The following IQSEC1 variants were observed in gnomAD, a reference collection of about 807,000 sequenced individuals.
IQSEC1 encodes the protein IQ motif and Sec7 domain ArfGEF 1, also known as IQ motif and SEC7 domain-containing protein 1.
IQSEC1 carries 31 observed loss-of-function variants against 91.0 expected under a neutral mutation model. The observed-to-expected ratio is 0.34, with a 90% CI of 0.26 to 0.46. The LOEUF (loss-of-function observed/expected upper bound fraction) is 0.46. Ranked by LOEUF, IQSEC1 falls within the 20% of genes least tolerant of loss-of-function variation. The probability of loss-of-function intolerance (pLI) is 1.00; values close to 1 mark genes in which losing one functional copy is unlikely to be tolerated. For synonymous variants in IQSEC1, 699 were observed against 662.6 expected, an observed-to-expected ratio of 1.05 and a Z score of -0.84; for missense variants, 1,388 against 1,575.6, an observed-to-expected ratio of 0.88 and a Z score of 2.02.
chr3:13,040,791 C>T (rs1357898754), intron 1 of IQSEC1, among the ~76,000 whole-genome samples: 1 of 152,210 alleles, frequency 6.6e-6, no homozygotes, highest in South Asian at 2.1e-4. Context: ...CCAGCAAACT[C>T]CTCCAGACAC....
intron 1 of IQSEC1, among the ~76,000 whole-genome samples, chr3:13,194,651 G>A (rs1694095272): frequency 6.6e-6 from 1 of 152,108 alleles, no homozygotes; most frequent in Admixed American, 6.6e-5. Context: ...AGAAACCCCA[G>A]AGGAGACCCC....
intron 1 of IQSEC1, among the ~76,000 whole-genome samples, chr3:12,953,835 T>C (rs1335709700): frequency 1.3e-5 from 2 of 152,232 alleles, no homozygotes; most frequent in African/African-American, 4.8e-5. Context: ...CCCCAACTTC[T>C]CTGAGCCTTG....
At chr3:13,222,372 C>G (rs1248289908) in intron 1 of IQSEC1, among the ~76,000 whole-genome samples, 1 of 152,184 alleles carries the variant, frequency 6.6e-6, no homozygotes, top group African/African-American at 2.4e-5. Flanking sequence ...TCATCTGTCA[C>G]GGACACTTTC....
Position 12,900,869 on chromosome 3 carries a change from G to A in IQSEC1, c.*114C>T, listed in dbSNP as rs1038453141. ...CTCCGGTTGGGCCGTGAGGGGCAGA[G>A]GGGAGAGATGGCAACAGAAGTGCCC... On this transcript the variant is annotated 3_prime_UTR_variant, in exon 14 of 14. Coordinates refer to ENST00000613206, the MANE Select transcript of IQSEC1 (RefSeq NM_001134382.3). 1.3e-6 allele frequency: 2 copies of A among 1,533,488 alleles called. No homozygotes were observed. Among genetic ancestry groups the A allele is most frequent in the Non-Finnish European group, 1.7e-6 (2 of 1,145,570 alleles). The allele number at this position is 1,533,488 out of a possible 1,614,324, so 95.0% of individuals were successfully genotyped here.
rs1276032848 is a variant in IQSEC1 at position 13,073,342 on chromosome 3, T to C, written c.-328A>G. 6.6e-6 allele frequency among the ~76,000 whole-genome samples: 1 copy of C among 152,156 alleles called. No homozygotes were observed. Among genetic ancestry groups the C allele is most frequent in the Non-Finnish European group, 1.5e-5 (1 of 68,026 alleles). ...CTACCTGGGCCCACCTTGGGGTTTT[T>C]CCCTCCCGTCCATCCGGGGTGCGGG... On this transcript the variant is annotated 5_prime_UTR_variant, in exon 1 of 14. Transcript: ENST00000613206.
chr3:13,252,677 A>G (rs1695214676), intron 1 of IQSEC1, among the ~76,000 whole-genome samples: 1 of 152,034 alleles, frequency 6.6e-6, no homozygotes, highest in South Asian at 2.1e-4. Context: ...CAAGGGTTCC[A>G]ATTTCTCCAC....
chr3:12,921,225 G>C (rs974749347), intron 5 of IQSEC1, among the ~76,000 whole-genome samples: 1 of 152,164 alleles, frequency 6.6e-6, no homozygotes, highest in Non-Finnish European at 1.5e-5. Flanking sequence ...AGAGGAGCCA[G>C]GCAAAGTACC....
Position 12,936,137 on chromosome 3 carries a change from G to A in IQSEC1, c.879C>T (p.Ile293=), listed in dbSNP as rs73143349. The A allele has an allele frequency of 4.6e-5, 74 of 1,612,380 alleles. No homozygotes were observed. The African/African-American group carries it at 9.6e-4, about 21-fold the overall frequency. The change falls in exon 3 of 14, where the codon ATC becomes ATT. Residue 293 remains isoleucine (I), a synonymous_variant. Coordinates refer to ENST00000613206, the MANE Select transcript of IQSEC1 (RefSeq NM_001134382.3). ...TASYSDVTLY[I]DEEELSPPLP... ...GAGGGGGCGACAGCTCCTCCTCATC[G>A]ATGTACAGGGTGACATCACTGTACG...
upstream of IQSEC1, among the ~76,000 whole-genome samples, chr3:13,075,143 G>A (rs1340883532): frequency 1.3e-5 from 2 of 152,184 alleles, no homozygotes; most frequent in African/African-American, 4.8e-5. Flanking sequence ...TTAACATGTT[G>A]CAGAGCCCAC....
intron 1 of IQSEC1, among the ~76,000 whole-genome samples, chr3:13,057,084 G>A (rs1704906216): frequency 1.3e-5 from 2 of 152,136 alleles, no homozygotes; most frequent in African/African-American, 4.8e-5. Flanking sequence ...CTATGTGCCT[G>A]CAATGCATAC....
intron 4 of IQSEC1, among the ~76,000 whole-genome samples, chr3:12,923,528 C>T (rs1696822604): frequency 6.6e-6 from 1 of 152,182 alleles, no homozygotes; most frequent in Admixed American, 6.5e-5. Context: ...CATGTGCTGG[C>T]CACACTTAGC....
At position 12,994,158 on chromosome 3, in the gene IQSEC1, C is replaced by A. The variant is rs1403666315; in HGVS notation, c.24-52293G>T. ...GGCCCCAGAGCGTCCGGTGGCCGGG[C>A]GCGGGGGGGCGGGGGCGGGCGCTCG... On this transcript the variant is annotated intron_variant, in intron 1 of 13. Coordinates refer to ENST00000613206, the MANE Select transcript of IQSEC1 (RefSeq NM_001134382.3). This position sits in a 1 kb window ranked among gnomAD's most constrained non-coding sequence, Gnocchi z 4.5. Among the ~76,000 whole-genome samples, 1 of 146,208 alleles carries A rather than the reference C, an allele frequency of 6.8e-6. No homozygotes were observed. The highest frequency in any genetic ancestry group is 6.8e-5 in the Admixed American group (1 of 14,746).
At chr3:12,927,869 G>A (rs928677611) in intron 3 of IQSEC1, among the ~76,000 whole-genome samples, 1 of 152,222 alleles carries the variant, frequency 6.6e-6, no homozygotes, top group African/African-American at 2.4e-5. Flanking sequence ...CAAAGGTGCT[G>A]AGGTGGGTGG....
intron 1 of IQSEC1, among the ~76,000 whole-genome samples, chr3:13,010,367 CAG>C (rs1422242608): frequency 1.3e-5 from 2 of 152,172 alleles, no homozygotes; most frequent in Non-Finnish European, 2.9e-5. Flanking sequence ...CTTGGTCTAT[CAG>C]AGAGAGTAGT....
intron 1 of IQSEC1, among the ~76,000 whole-genome samples, chr3:12,973,869 T>C (rs751232819): frequency 1.3e-5 from 2 of 152,128 alleles, no homozygotes; most frequent in Non-Finnish European, 2.9e-5. Context: ...CCCCAGATCA[T>C]GTGGGGACAC....
At position 13,010,682 on chromosome 3, in the gene IQSEC1, T is replaced by A. The variant is rs148324030; in HGVS notation, c.23+62310A>T. ...TTGCCTTAAGCCCGTCAAGCCAGTCTGGGGTGCCTCTTTTTTTTAATCAAC... is the reference window on the plus strand; with the variant it reads ...TTGCCTTAAGCCCGTCAAGCCAGTCAGGGGTGCCTCTTTTTTTTAATCAAC... On this transcript the variant is annotated intron_variant, in intron 1 of 13. Coordinates refer to ENST00000613206, the MANE Select transcript of IQSEC1 (RefSeq NM_001134382.3). Among the ~76,000 whole-genome samples, 538 of 152,324 alleles carry A rather than the reference T, an allele frequency of 3.5e-3. 5 individuals carry two copies. Among genetic ancestry groups the A allele is most frequent in the African/African-American group, 0.012 (507 of 41,574 alleles).
upstream of IQSEC1, among the ~76,000 whole-genome samples, chr3:13,075,851 T>C (rs1456523116): frequency 6.6e-6 from 1 of 152,196 alleles, no homozygotes; most frequent in Non-Finnish European, 1.5e-5. Flanking sequence ...CTCTGATCTC[T>C]GACTACGGAA....
chr3:13,060,964 C>A (rs1705047308), intron 1 of IQSEC1, among the ~76,000 whole-genome samples: 1 of 152,206 alleles, frequency 6.6e-6, no homozygotes, highest in Non-Finnish European at 1.5e-5. Context: ...CATACGGGCT[C>A]CGAGCCCTGC....
chr3:13,279,548 G>A (rs565894508), intron 1 of IQSEC1, among the ~76,000 whole-genome samples: 46 of 152,318 alleles, frequency 3.0e-4, no homozygotes, highest in African/African-American at 1.1e-3. Flanking sequence ...TGCATGGATG[G>A]GGCAGTGCCA....
Sources: allele counts gnomAD v4.1 joint callset (sites outside exome capture counted in the v4.1 genomes callset), GRCh38; gene constraint gnomAD v4.1.1; non-coding constraint Gnocchi (gnomAD v3.1); transcripts MANE v1.5; gene names NCBI Gene and HGNC (gene_info 2026-07-23, HGNC 2026-07-21).